Variants in THEMIS observed in about 807,000 individuals in gnomAD.
THEMIS encodes thymocyte selection associated.
THEMIS carries 37 observed loss-of-function variants against 52.6 expected under a neutral mutation model. The ratio of observed to expected loss-of-function variants is 0.70; its 90% CI spans 0.54 to 0.93. The LOEUF (loss-of-function observed/expected upper bound fraction) is 0.93. Ranked by LOEUF, THEMIS falls within the 40% of genes least tolerant of loss-of-function variation. The pLI, the probability that THEMIS is intolerant of heterozygous loss-of-function variation, is 0.00. For synonymous variants in THEMIS, 292 were observed against 272.7 expected (o/e 1.07, Z -0.70); for missense variants, 808 against 763.1 (o/e 1.06, Z -0.69).
At chr6:127,877,651 T>C (rs1354406455) in intron 1 of THEMIS, among the ~76,000 whole-genome samples, 1 of 152,200 alleles carries the variant, frequency 6.6e-6, no homozygotes, top group Admixed American at 6.5e-5. Flanking sequence ...TCACTGTTCG[T>C]GGTGCCCCAA....
chr6:127,728,891 G>A (rs187307704), intron 4 of THEMIS, among the ~76,000 whole-genome samples: 8 of 152,264 alleles, frequency 5.3e-5, no homozygotes, highest in African/African-American at 7.2e-5. Context: ...AGATTTAAAT[G>A]AGAAGATTTT....
intron 4 of THEMIS, among the ~76,000 whole-genome samples, chr6:127,809,462 T>C (rs1583301202): frequency 6.6e-6 from 1 of 152,272 alleles, no homozygotes; most frequent in East Asian, 1.9e-4. Context: ...TAAAAAATAA[T>C]CGCTGAAAAT....
intron 4 of THEMIS, among the ~76,000 whole-genome samples, chr6:127,747,459 T>C (rs1775489498): frequency 1.3e-5 from 2 of 149,264 alleles, no homozygotes; most frequent in East Asian, 3.9e-4. Context: ...ATAAAATTTA[T>C]TATGCCTAGA....
In THEMIS at chr6:127,734,035, A is replaced by G. The variant is rs116769730; in HGVS notation, c.1759-14212T>C. 4.8e-3 allele frequency among the ~76,000 whole-genome samples: 728 copies of G among 152,346 alleles called. 7 individuals are homozygous for G. The highest frequency in any genetic ancestry group is 0.017 in the African/African-American group (700 of 41,574). On this transcript the variant is annotated intron_variant, in intron 4 of 5. Coordinates refer to ENST00000368248, the MANE Select transcript of THEMIS (RefSeq NM_001010923.3). ...TCTACTCCTGTTCACTTGTGTCCGT[A>G]GGAATACAATCTGCAACATTCATGC...
At chr6:127,774,834 T>A (rs901926734) in intron 4 of THEMIS, among the ~76,000 whole-genome samples, 2 of 152,186 alleles carry the variant, frequency 1.3e-5, no homozygotes, top group African/African-American at 2.4e-5. Flanking sequence ...AGCAACTGGC[T>A]TCTAAAGCAA....
rs1313940532 is a variant in THEMIS, at chr6:127,900,850, T to C, written c.83A>G (p.Tyr28Cys). 7 of 1,612,888 alleles carry C rather than the reference T, an allele frequency of 4.3e-6. No homozygotes were observed. The highest frequency in any genetic ancestry group is 5.9e-6 in the Non-Finnish European group (7 of 1,179,186). Residue 28 changes from tyrosine (Y) to cysteine (C), a missense_variant, in exon 1 of 6, where the codon TAT (tyrosine) becomes TGT (cysteine). Physicochemically the swap from Tyr to Cys is radical, Grantham distance 194. Transcript: ENST00000368248. ...PRVLEIQAGI[Y>C]LEGSIYEMFG... Reference sequence around the variant, plus strand: ...TATTGGAGAGTGCTTACCTTCAAGATAGATGCCTGCCTGGATTTCTAGAAC... The same window carrying C: ...TATTGGAGAGTGCTTACCTTCAAGACAGATGCCTGCCTGGATTTCTAGAAC...
At chr6:127,833,921 G>A (rs1778785671) in intron 2 of THEMIS, among the ~76,000 whole-genome samples, 2 of 152,140 alleles carry the variant, frequency 1.3e-5, no homozygotes, top group African/African-American at 4.8e-5. Flanking sequence ...GGATGTTTAA[G>A]TTGGTATATT....
At chr6:127,874,155 G>A (rs1373896346) in intron 1 of THEMIS, among the ~76,000 whole-genome samples, 2 of 152,206 alleles carry the variant, frequency 1.3e-5, no homozygotes, top group African/African-American at 4.8e-5. Context: ...ATTTGTAGGA[G>A]AGGATGAGTA....
At chr6:127,717,346 G>T (rs1388145151) in intron 5 of THEMIS, among the ~76,000 whole-genome samples, 1 of 151,928 alleles carries the variant, frequency 6.6e-6, no homozygotes, top group African/African-American at 2.4e-5. Context: ...TTCAGCCTCT[G>T]AAGGTCTGCA....
chr6:127,778,254 A>G (rs975931980), intron 4 of THEMIS, among the ~76,000 whole-genome samples: 1 of 152,240 alleles, frequency 6.6e-6, no homozygotes, highest in South Asian at 2.1e-4. Context: ...CCTTCTGACA[A>G]TCTTCCCTAT....
chr6:127,741,409 A>G (rs1016797947), intron 4 of THEMIS, among the ~76,000 whole-genome samples: 3 of 152,230 alleles, frequency 2.0e-5, no homozygotes, highest in African/African-American at 7.2e-5. Flanking sequence ...TTATAGACTT[A>G]GAATCATAGA....
chr6:127,816,983 G>A (rs1778157666), intron 3 of THEMIS, among the ~76,000 whole-genome samples: 1 of 152,172 alleles, frequency 6.6e-6, no homozygotes, highest in African/African-American at 2.4e-5. Flanking sequence ...CATCTCGGCA[G>A]TGAGACCTAC....
At chr6:127,698,866 A>G in the THEMIS span, among the ~76,000 whole-genome samples, 1 of 152,020 alleles carries the variant, frequency 6.6e-6, no homozygotes, top group African/African-American at 2.4e-5. Flanking sequence ...AGATAATTTA[A>G]AAGTATTTTG....
At chr6:127,700,838 T>C in the THEMIS span, among the ~76,000 whole-genome samples, 1 of 152,160 alleles carries the variant, frequency 6.6e-6, no homozygotes, top group South Asian at 2.1e-4. Context: ...CTTATTTTTG[T>C]ATATATAAAA....
chr6:127,878,590 A>T (rs950990108), intron 1 of THEMIS, among the ~76,000 whole-genome samples: 1 of 152,246 alleles, frequency 6.6e-6, no homozygotes, highest in Admixed American at 6.5e-5. Context: ...ATCGACCAAA[A>T]ATAACCAAAT....
intron 4 of THEMIS, among the ~76,000 whole-genome samples, chr6:127,745,665 T>C (rs1399141333): frequency 6.6e-6 from 1 of 151,916 alleles, no homozygotes; most frequent in Non-Finnish European, 1.5e-5. Context: ...GGTTGTTTCC[T>C]GACAGAAAGA....
In THEMIS at chr6:127,755,266, A is replaced by G. The variant is rs1387789839; in HGVS notation, c.1759-35443T>C. Reference sequence around the variant, plus strand: ...AGGCATTGAATCCCTGTATTTAAAAAATGCTTAAATACTTTTAAATTAAAA... The same window carrying G: ...AGGCATTGAATCCCTGTATTTAAAAGATGCTTAAATACTTTTAAATTAAAA... On this transcript the variant is annotated intron_variant, in intron 4 of 5. Transcript: ENST00000368248. 1.3e-5 allele frequency among the ~76,000 whole-genome samples: 2 copies of G among 152,208 alleles called. 1 individual carries two copies. Among genetic ancestry groups the G allele is most frequent in the Non-Finnish European group, 2.9e-5 (2 of 68,032 alleles).
intron 2 of THEMIS, among the ~76,000 whole-genome samples, chr6:127,835,557 G>T (rs909428767): frequency 6.6e-6 from 1 of 152,156 alleles, no homozygotes. Context: ...AAACATAGTG[G>T]TTATTAAGTC....
At chr6:127,839,069 T>C (rs1307213098) in intron 2 of THEMIS, among the ~76,000 whole-genome samples, 1 of 152,114 alleles carries the variant, frequency 6.6e-6, no homozygotes, top group Non-Finnish European at 1.5e-5. Flanking sequence ...CACTTGTTTA[T>C]TCTCCCAAGT....
Sources: allele counts gnomAD v4.1 joint callset (sites outside exome capture counted in the v4.1 genomes callset), GRCh38; gene constraint gnomAD v4.1.1; transcripts MANE v1.5; gene names NCBI Gene and HGNC (gene_info 2026-07-23, HGNC 2026-07-21).